Variants in CFAP206 observed in about 807,000 individuals in gnomAD.
CFAP206 encodes cilia and flagella associated protein 206, also known as cilia- and flagella-associated protein 206.
CFAP206 carries 53 observed loss-of-function variants against 65.4 expected under a neutral mutation model. The ratio of observed to expected loss-of-function variants is 0.81; its 90% CI spans 0.65 to 1.02. The LOEUF is 1.02. CFAP206 is among the 50% of genes least tolerant of loss of function. CFAP206 has a pLI of 0.00. For missense variants in CFAP206, 663 were observed against 753.2 expected, an observed-to-expected ratio of 0.88 and a Z score of 1.40; for synonymous variants, 250 against 254.4, an observed-to-expected ratio of 0.98 and a Z score of 0.17.
chr6:87,434,836 A>G (rs774648056), intron 10 of CFAP206, 24 bp from the exon 11 acceptor site: 2 of 1,194,112 alleles, frequency 1.7e-6, no homozygotes, highest in African/African-American at 3.1e-5. Context: ...GACATTTCAT[A>G]TCTAATTCTT....
At chr6:87,429,600 A>G (rs193184833) in intron 9 of CFAP206, among the ~76,000 whole-genome samples, 1 of 152,162 alleles carries the variant, frequency 6.6e-6, no homozygotes, top group African/African-American at 2.4e-5. Flanking sequence ...TTACAGAAAA[A>G]CAATCTTTAT....
chr6:87,416,772 T>C lies in CFAP206; in HGVS notation c.576T>C (p.Thr192=). 1 of 1,613,896 alleles carries C rather than the reference T, an allele frequency of 6.2e-7. No individual in the cohort carries two copies. Reference sequence around the variant, plus strand: ...TGAAAGAACTCACCATGATTGTTACTGGAATTCGTTTATTTAACAGAGACT... The same window carrying C: ...TGAAAGAACTCACCATGATTGTTACCGGAATTCGTTTATTTAACAGAGACT... ...RQLKELTMIV[T]GIRLFNRDCG... is the part of the protein sequence containing the mutation. Residue 192 remains threonine, a synonymous_variant, in exon 6 of 13, where the codon ACT becomes ACC. Coordinates refer to ENST00000369562, the MANE Select transcript of CFAP206 (RefSeq NM_001031743.3).
chr6:87,431,334 AG>A (rs1562247360), intron 10 of CFAP206, among the ~76,000 whole-genome samples, 161 bp downstream of exon 10: 2 of 152,230 alleles, frequency 1.3e-5, no homozygotes, highest in Non-Finnish European at 1.5e-5. Context: ...TTCATTTTGG[AG>A]GTGCTCTGGT....
At chr6:87,451,148 C>G (rs1248424194) in intron 11 of CFAP206, among the ~76,000 whole-genome samples, 9 of 152,180 alleles carry the variant, frequency 5.9e-5, no homozygotes, top group Non-Finnish European at 1.3e-4. Flanking sequence ...TGGGCAAGTC[C>G]TGGTGCCATG....
intron 12 of CFAP206, 119 bp downstream of exon 12, chr6:87,461,284 T>C: frequency 3.3e-6 from 2 of 605,832 alleles, no homozygotes; most frequent in Middle Eastern, 4.8e-4. Context: ...CAGAGTTCTT[T>C]GCTAACAAAA....
intron 9 of CFAP206, among the ~76,000 whole-genome samples, chr6:87,430,425 T>A (rs960884055): frequency 2.6e-5 from 4 of 152,198 alleles, no homozygotes; most frequent in African/African-American, 9.7e-5. Flanking sequence ...ATAGGAAGAA[T>A]TTTTAAAAAT....
At chr6:87,457,767 A>G (rs113963898) in intron 11 of CFAP206, among the ~76,000 whole-genome samples, 172 of 152,348 alleles carry the variant, frequency 1.1e-3, no homozygotes, top group African/African-American at 3.9e-3. Flanking sequence ...GACTGGGCAA[A>G]GATTTCTTGG....
chr6:87,413,773 C>A, intron 3 of CFAP206, 37 bp from the exon 4 acceptor site: 1 of 1,241,596 alleles, frequency 8.1e-7, no homozygotes, highest in Non-Finnish European at 1.1e-6. Flanking sequence ...GTCTCAAAAA[C>A]TATAACTAGA....
rs1768734495 is a variant in CFAP206 at position 87,460,948 on chromosome 6, A to G, written c.1495-74A>G. ...GTTTTTTAAGTGTTTTGTTAGTTTT[A>G]GCTAAATATTTTAGTTATCAGTAAA... is the stretch of plus-strand genomic sequence containing the variant. On this transcript the variant is annotated intron_variant, in intron 11 of 12. Coordinates refer to ENST00000369562, the MANE Select transcript of CFAP206 (RefSeq NM_001031743.3). 8.4e-6 allele frequency: 11 copies of G among 1,317,162 alleles called. No individual in the cohort carries two copies. The South Asian group carries it at 1.5e-4, about 18-fold the overall frequency. The allele number at this position is 1,317,162 out of a possible 1,614,324, so 81.6% of individuals were successfully genotyped here.
At chr6:87,433,573 GT>G (rs1768197321) in intron 10 of CFAP206, among the ~76,000 whole-genome samples, 1 of 151,978 alleles carries the variant, frequency 6.6e-6, no homozygotes, top group Non-Finnish European at 1.5e-5. Flanking sequence ...GCAGTAGTTA[GT>G]TGAAGTAGCT....
chr6:87,430,761 C>T (rs193090145), intron 9 of CFAP206, among the ~76,000 whole-genome samples: 15 of 152,234 alleles, frequency 9.9e-5, no homozygotes, highest in Admixed American at 8.5e-4. Flanking sequence ...TCAGAAATGG[C>T]CTCTCCTTTC....
intron 6 of CFAP206, among the ~76,000 whole-genome samples, 162 bp downstream of exon 6, chr6:87,416,989 T>C (rs1413691779): frequency 2.0e-5 from 3 of 152,202 alleles, no homozygotes; most frequent in Admixed American, 2.0e-4. Context: ...TGTGTAGTGA[T>C]TTTTACTTTT....
At chr6:87,409,023 T>TTTATG (rs71018013) in intron 1 of CFAP206, among the ~76,000 whole-genome samples, 46,682 of 151,806 alleles carry the variant, frequency 0.31, 7,338 homozygotes, top group African/African-American at 0.39. Context: ...AGTAAATGCT[T>TTTATG]TTTTTTATCG....
Position 87,413,847 on chromosome 6 carries a change from C to T in CFAP206, c.230C>T (p.Ser77Phe). 3 of 1,568,592 alleles carry T rather than the reference C, an allele frequency of 1.9e-6. No homozygotes were observed. The highest frequency in any genetic ancestry group is 2.6e-6 in the Non-Finnish European group (3 of 1,163,666). Residue 77 changes from serine (S) to phenylalanine (F), a missense_variant, in exon 4 of 13, where the codon TCC becomes TTC. Ser to Phe is a radical substitution (Grantham distance 155). Transcript: ENST00000369562. ...MTRLLDTKNP[S>F]LDTIKMQVYF... ...CGGCTATTGGATACTAAAAATCCAT[C>T]CCTGGACACTATTAAGATGCAAGTC...
At chr6:87,424,920 A>G (rs2127950401) in intron 7 of CFAP206, among the ~76,000 whole-genome samples, 1 of 152,358 alleles carries the variant, frequency 6.6e-6, no homozygotes, top group South Asian at 2.1e-4. Flanking sequence ...CTGAACTGCA[A>G]AAGCAGATTC....
chr6:87,461,885 CAA>C (rs892379228), intron 12 of CFAP206, among the ~76,000 whole-genome samples: 47 of 152,182 alleles, frequency 3.1e-4, no homozygotes, highest in African/African-American at 1.1e-3. Context: ...TTGGTAGACT[CAA>C]AGCATGCAGG....
At chr6:87,454,942 T>C (rs2127956918) in intron 11 of CFAP206, among the ~76,000 whole-genome samples, 1 of 151,974 alleles carries the variant, frequency 6.6e-6, no homozygotes, top group South Asian at 2.1e-4. Flanking sequence ...ATTATTTTTT[T>C]TATGGAGTCT....
rs1210223812 is a variant in CFAP206 at position 87,415,788 on chromosome 6, G to T, written c.386G>T (p.Ser129Ile). The T allele has an allele frequency of 6.2e-7, 1 of 1,613,688 alleles. No homozygotes were observed. Among genetic ancestry groups the T allele is most frequent in the South Asian group, 1.1e-5 (1 of 90,982 alleles). ...NRACAKEELE[S>I]LYRKIISYVL... ...GCATGTGCTAAAGAAGAATTGGAAA[G>T]CCTCTACCGGAAGATTATCAGCTAT... The change falls in exon 5 of 13, where the codon AGC becomes ATC. Residue 129 changes from serine (S) to isoleucine (I), a missense_variant. Transcript: ENST00000369562.
chr6:87,434,706 C>T (rs1381116694), intron 10 of CFAP206, among the ~76,000 whole-genome samples, 154 bp from the exon 11 acceptor site: 2 of 152,102 alleles, frequency 1.3e-5, no homozygotes, highest in Admixed American at 6.5e-5. Flanking sequence ...CCTTGTTGGT[C>T]AGGCTGGTCT....
Sources: allele counts gnomAD v4.1 joint callset (sites outside exome capture counted in the v4.1 genomes callset), GRCh38; gene constraint gnomAD v4.1.1; transcripts MANE v1.5; gene names NCBI Gene and HGNC (gene_info 2026-07-23, HGNC 2026-07-21).